Variants in CREB5 observed in about 807,000 individuals in gnomAD.
CREB5 encodes the protein cAMP responsive element binding protein 5.
Under a neutral mutation model 57.1 loss-of-function variants are expected in CREB5, and 19 were observed. The observed-to-expected ratio is 0.33, with a 90% CI of 0.23 to 0.49. The LOEUF is 0.49. Ranked by LOEUF, CREB5 falls within the 20% of genes least tolerant of loss-of-function variation. CREB5 has a pLI of 0.99. For missense variants in CREB5, 579 were observed against 671.6 expected (o/e 0.86, Z 1.52); for synonymous variants, 238 against 238.3 (o/e 1.00, Z 0.01).
chr7:28,475,943 A>AC (rs1305722105), intron 1 of CREB5, among the ~76,000 whole-genome samples: 1 of 152,058 alleles, frequency 6.6e-6, no homozygotes, highest in Non-Finnish European at 1.5e-5. Flanking sequence ...GCCAAACTTC[A>AC]CCCCAGAGTC....
At chr7:28,572,114 C>T (rs1795729890) in intron 5 of CREB5, among the ~76,000 whole-genome samples, 1 of 152,164 alleles carries the variant, frequency 6.6e-6, no homozygotes, top group Non-Finnish European at 1.5e-5. Context: ...GAAGGGGCAC[C>T]TTGTCTCACA....
chr7:28,612,926 AG>A (rs1298458988), intron 5 of CREB5, among the ~76,000 whole-genome samples: 1 of 152,160 alleles, frequency 6.6e-6, no homozygotes, highest in Non-Finnish European at 1.5e-5. Flanking sequence ...CCCTTCTCAA[AG>A]ATGTATTGAA....
chr7:28,690,778 C>A (rs1456512204), intron 5 of CREB5, among the ~76,000 whole-genome samples: 1 of 152,156 alleles, frequency 6.6e-6, no homozygotes, highest in Admixed American at 6.5e-5. Context: ...GTACGGCCTC[C>A]CTGACTCTAA....
chr7:28,818,408 C>G (rs776026735), intron 10 of CREB5, among the ~76,000 whole-genome samples: 2 of 152,188 alleles, frequency 1.3e-5, no homozygotes, highest in Non-Finnish European at 2.9e-5. Context: ...CACTCCTTCC[C>G]TAGCATTTCA....
intron 5 of CREB5, among the ~76,000 whole-genome samples, chr7:28,647,754 C>T (rs1168614386): frequency 1.3e-5 from 2 of 152,058 alleles, no homozygotes; most frequent in African/African-American, 4.8e-5. Flanking sequence ...GCTGGTGCAA[C>T]TGAGGAACGG....
chr7:28,305,446 C>A (rs1174528863), intron 1 of CREB5, among the ~76,000 whole-genome samples: 1 of 152,206 alleles, frequency 6.6e-6, no homozygotes, highest in Non-Finnish European at 1.5e-5. Context: ...GGGAACCCAG[C>A]TTTCCCCTGG....
At chr7:28,566,578 A>T (rs909641580) in intron 4 of CREB5, among the ~76,000 whole-genome samples, 3 of 152,214 alleles carry the variant, frequency 2.0e-5, no homozygotes, top group South Asian at 2.1e-4. Context: ...CTATTTCTTT[A>T]TCAATGAAGA....
At chr7:28,599,465 C>T (rs1796819854) in intron 5 of CREB5, among the ~76,000 whole-genome samples, 1 of 152,248 alleles carries the variant, frequency 6.6e-6, no homozygotes, top group East Asian at 1.9e-4. Flanking sequence ...TAGTTGCAGG[C>T]ACTTTGGTCT....
At chr7:28,712,336 C>T (rs1341782183) in intron 5 of CREB5, among the ~76,000 whole-genome samples, 1 of 151,500 alleles carries the variant, frequency 6.6e-6, no homozygotes, top group African/African-American at 2.4e-5. Flanking sequence ...GGTGAAACCC[C>T]GTCTCTCCTA....
At chr7:28,492,153 C>T (rs1486042289) in intron 2 of CREB5, among the ~76,000 whole-genome samples, 1 of 152,168 alleles carries the variant, frequency 6.6e-6, no homozygotes, top group Non-Finnish European at 1.5e-5. Flanking sequence ...GCACTTGCCA[C>T]CACGCCTGGC....
intron 1 of CREB5, among the ~76,000 whole-genome samples, chr7:28,352,162 G>A (rs1786203069): frequency 6.6e-6 from 1 of 152,150 alleles, no homozygotes; most frequent in Admixed American, 6.5e-5. Context: ...TTTGGCATTG[G>A]GTTGGACAAT....
At chr7:28,582,709 T>C (rs1249850363) in intron 5 of CREB5, among the ~76,000 whole-genome samples, 1 of 152,166 alleles carries the variant, frequency 6.6e-6, no homozygotes, top group East Asian at 1.9e-4. Flanking sequence ...ACTTACAAAT[T>C]TTGTTAATTG....
At chr7:28,354,457 G>A (rs962718408) in intron 1 of CREB5, among the ~76,000 whole-genome samples, 1 of 152,082 alleles carries the variant, frequency 6.6e-6, no homozygotes, top group African/African-American at 2.4e-5. Flanking sequence ...TTCAGTTTTG[G>A]GACTCAAACT....
At chr7:28,685,227 A>G (rs1800809882) in intron 5 of CREB5, among the ~76,000 whole-genome samples, 1 of 152,128 alleles carries the variant, frequency 6.6e-6, no homozygotes. Flanking sequence ...TGGAAGGTTC[A>G]CCTGAGGGTG....
At chr7:28,546,351 A>G (rs950989980) in intron 4 of CREB5, among the ~76,000 whole-genome samples, 1 of 152,352 alleles carries the variant, frequency 6.6e-6, no homozygotes, top group East Asian at 1.9e-4. Context: ...TGATAGGAAC[A>G]TCTGTGTACA....
At chr7:28,798,067 G>A (rs1245663638) in intron 7 of CREB5, among the ~76,000 whole-genome samples, 2 of 152,148 alleles carry the variant, frequency 1.3e-5, no homozygotes, top group African/African-American at 2.4e-5. Flanking sequence ...TTTGTATGTA[G>A]AGAGCCTCTT....
At chr7:28,634,578 CT>C (rs1309553221) in intron 5 of CREB5, among the ~76,000 whole-genome samples, 1 of 152,146 alleles carries the variant, frequency 6.6e-6, no homozygotes, top group Non-Finnish European at 1.5e-5. Context: ...AAGCCCTCCC[CT>C]GTGTATCATG....
chr7:28,600,341 C>T (rs765644932), intron 5 of CREB5, among the ~76,000 whole-genome samples: 24 of 150,268 alleles, frequency 1.6e-4, no homozygotes, highest in Non-Finnish European at 3.4e-4. Flanking sequence ...CTCGCAGGCG[C>T]AAGACCTAAA....
At chr7:28,311,260 G>A (rs1161609621) in intron 1 of CREB5, among the ~76,000 whole-genome samples, 1 of 152,108 alleles carries the variant, frequency 6.6e-6, no homozygotes, top group Non-Finnish European at 1.5e-5. Flanking sequence ...TCACCTCTGG[G>A]TTGGCTTCCC....
Sources: allele counts gnomAD v4.1 joint callset (sites outside exome capture counted in the v4.1 genomes callset), GRCh38; gene constraint gnomAD v4.1.1; transcripts MANE v1.5; gene names NCBI Gene and HGNC (gene_info 2026-07-23, HGNC 2026-07-21).